Variants in TLN1 observed in about 807,000 individuals in gnomAD.
TLN1 encodes talin 1.
In TLN1, 56 loss-of-function variants were observed where a neutral mutation model predicts 292.3. The observed-to-expected ratio is 0.19, with a 90% CI of 0.15 to 0.24. The LOEUF is 0.24. Among genes scored for constraint, TLN1 ranks in the 10% least tolerant of loss-of-function variants. TLN1 has a pLI of 1.00. For missense variants in TLN1, 2,433 were observed against 3,248.2 expected, an observed-to-expected ratio of 0.75 and a Z score of 6.10; for synonymous variants, 1,119 against 1,253.7, an observed-to-expected ratio of 0.89 and a Z score of 2.27.
chr9:35,722,143 G>GT lies in TLN1; in HGVS notation c.923dup (p.Tyr308Ter). Residue 308 changes from tyrosine (Y) to a stop codon, truncating the protein, a stop_gained and frameshift_variant, in exon 9 of 57, where the codon TAC becomes TAAC. Coordinates refer to ENST00000314888, the MANE Select transcript of TLN1 (RefSeq NM_006289.4). LOFTEE classifies it high-confidence loss of function. ...YVKLARSLKT[Y>*]GVSFFLVKEK... ...CCTTCACCAGGAAGAAGGAGACACCGTAAGTCTTGAGAGAACGGGCTAGCT... is the reference window on the plus strand; with the variant it reads ...CCTTCACCAGGAAGAAGGAGACACCGTTAAGTCTTGAGAGAACGGGCTAGCT... The GT allele has an allele frequency of 1.9e-6, 3 of 1,614,164 alleles. No homozygotes were observed. Among genetic ancestry groups the GT allele is most frequent in the Non-Finnish European group, 2.5e-6 (3 of 1,179,990 alleles).
chr9:35,720,756 G>A (rs1825867059), intron 11 of TLN1, 56 bp downstream of exon 11: 9 of 1,529,366 alleles, frequency 5.9e-6, no homozygotes, highest in Non-Finnish European at 8.1e-6. Flanking sequence ...CTAAAGGACT[G>A]GCTTGTGGAG....
Position 35,722,829 on chromosome 9 carries a change from C to A in TLN1, c.843+32G>T, listed in dbSNP as rs1460489894. ...AGATTAAGCAGCAAAGCTCCGCGGT[C>A]ATCCCAAATACTTTCCCCTACCCAC... is the stretch of plus-strand genomic sequence containing the variant. On this transcript the variant is annotated intron_variant, in intron 8 of 56. Coordinates refer to ENST00000314888, the MANE Select transcript of TLN1 (RefSeq NM_006289.4). The A allele has an allele frequency of 1.9e-6, 3 of 1,609,286 alleles. No homozygotes were observed. The South Asian group carries it at 3.3e-5, about 18-fold the overall frequency.
Position 35,711,309 on chromosome 9 carries a change from A to C in TLN1, c.3965T>G (p.Leu1322Arg), listed in dbSNP as rs761462874. 1 of 1,614,198 alleles carries C rather than the reference A, an allele frequency of 6.2e-7. No homozygotes were observed. Among genetic ancestry groups the C allele is most frequent in the Non-Finnish European group, 8.5e-7 (1 of 1,180,028 alleles). Reference protein sequence around the residue: ...SSKLLLAAKALSTDPAAPNLK... With the variant: ...SSKLLLAAKARSTDPAAPNLK... The stretch of plus-strand genomic sequence containing the variant: ...GTTAGGGGCAGCAGGGTCCGTGGAC[A>C]GGGCCTTGGCAGCCAGAAGAAGTTT... The change falls in exon 30 of 57, where the codon CTG (leucine) becomes CGG (arginine). Residue 1322 changes from leucine to arginine, a missense_variant. Leu to Arg is a moderately radical substitution (Grantham distance 102). Coordinates refer to ENST00000314888, the MANE Select transcript of TLN1 (RefSeq NM_006289.4).
chr9:35,700,454 TTTG>T (rs1825446117), intron 48 of TLN1, 78 bp from the exon 49 acceptor site: 1 of 1,443,736 alleles, frequency 6.9e-7, no homozygotes, highest in African/African-American at 1.4e-5. Flanking sequence ...GTGCATGTGA[TTTG>T]GTGCAGACAT....
Position 35,717,072 on chromosome 9 carries a change from G to C in TLN1, c.2458+74C>G. The C allele has an allele frequency of 6.6e-7, 1 of 1,511,806 alleles. No homozygotes were observed. The highest frequency in any genetic ancestry group is 8.9e-7 in the Non-Finnish European group (1 of 1,122,826). 93.6% of individuals were successfully genotyped at this position (1,511,806 alleles called of 1,614,324 possible). A position where few individuals can be genotyped will look rare whatever the true frequency, so the allele number is the denominator to read the frequency against. The stretch of plus-strand genomic sequence containing the variant: ...TCCTTGGGGTGAAGTGGTTAGGTCC[G>C]CAAGGGGATGATGTCCAGTGGGCTT... On this transcript the variant is annotated intron_variant, in intron 19 of 56. Coordinates refer to ENST00000314888, the MANE Select transcript of TLN1 (RefSeq NM_006289.4). This position sits in a 1 kb window ranked among gnomAD's most constrained non-coding sequence, Gnocchi z 4.7.
chr9:35,710,789 G>A lies in TLN1; in HGVS notation c.4203+8C>T, dbSNP rs896321213. On this transcript the variant is annotated splice_region_variant and intron_variant, in intron 32 of 56. Coordinates refer to ENST00000314888, the MANE Select transcript of TLN1 (RefSeq NM_006289.4). ...CCCTCTCTCCTCCGAGTTCCTGGCT[G>A]TGCTGACCTTTGAGTTCTCCATTAC... 6.2e-7 allele frequency: 1 copy of A among 1,614,194 alleles called. No homozygotes were observed. Among genetic ancestry groups the A allele is most frequent in the Non-Finnish European group, 8.5e-7 (1 of 1,180,014 alleles).
Position 35,697,615 on chromosome 9 carries a change from G to T in TLN1, c.*176C>A. On this transcript the variant is annotated 3_prime_UTR_variant, in exon 57 of 57. Coordinates refer to ENST00000314888, the MANE Select transcript of TLN1 (RefSeq NM_006289.4). ...GGCCCTAGGGCATGAAGGCACTTGG[G>T]GTTGGGGAGGGGACAGGGGATGTAC... 1 of 884,678 alleles carries T rather than the reference G, an allele frequency of 1.1e-6. No homozygotes were observed. The highest frequency in any genetic ancestry group is 2.6e-5 in the East Asian group (1 of 39,130). 54.8% of individuals were successfully genotyped at this position (884,678 alleles called of 1,614,324 possible). A position where few individuals can be genotyped will look rare whatever the true frequency, so the allele number is the denominator to read the frequency against.
chr9:35,698,944 C>T lies in TLN1; in HGVS notation c.7000-11G>A, dbSNP rs1014192155. ...GGACTCATCTGCCTCCTGCAATAAG[C>T]GAAGGTTGCAGAAAGAGATGTAAAG... On this transcript the variant is annotated splice_polypyrimidine_tract_variant and intron_variant, in intron 52 of 56. Coordinates refer to ENST00000314888, the MANE Select transcript of TLN1 (RefSeq NM_006289.4). This position sits in a 1 kb window ranked among gnomAD's most constrained non-coding sequence, Gnocchi z 5.3. 3.7e-6 allele frequency: 6 copies of T among 1,612,980 alleles called. No individual in the cohort carries two copies. Among genetic ancestry groups the T allele is most frequent in the African/African-American group, 2.7e-5 (2 of 75,016 alleles).
rs1360617250 is a variant in TLN1, at chr9:35,717,295, G to A, written c.2309C>T (p.Ala770Val). 5.0e-6 allele frequency: 8 copies of A among 1,614,142 alleles called. No individual in the cohort carries two copies. In the Admixed American group the frequency reaches 8.3e-5, roughly 17 times the overall value. ...DGQLLRGVGA[A>V]ATAVTQALNE... ...TAGGGCCTGGGTGACAGCTGTGGCTGCTGCTCCTACCCCTCGCAACAGTTG... is the reference window on the plus strand; with the variant it reads ...TAGGGCCTGGGTGACAGCTGTGGCTACTGCTCCTACCCCTCGCAACAGTTG... The change falls in exon 19 of 57, where the codon GCA (alanine) becomes GTA (valine). Residue 770 changes from alanine (A) to valine (V), a missense_variant. Coordinates refer to ENST00000314888, the MANE Select transcript of TLN1 (RefSeq NM_006289.4). This position sits in a 1 kb window ranked among gnomAD's most constrained non-coding sequence, Gnocchi z 4.7.
chr9:35,699,682 G>A lies in TLN1; in HGVS notation c.6769-221C>T. On this transcript the variant is annotated intron_variant, in intron 50 of 56. Coordinates refer to ENST00000314888, the MANE Select transcript of TLN1 (RefSeq NM_006289.4). This position sits in a 1 kb window ranked among gnomAD's most constrained non-coding sequence, Gnocchi z 4.0. ...CACTCACCGGCTGACAAGGAGCAAG[G>A]AGAATGATGAGATGAAAGAGGAGAC... 1 of 985,418 alleles carries A rather than the reference G, an allele frequency of 1.0e-6. No individual in the cohort carries two copies. The highest frequency in any genetic ancestry group is 1.2e-6 in the Non-Finnish European group (1 of 829,926). 61.0% of individuals were successfully genotyped at this position (985,418 alleles called of 1,614,324 possible).
rs2131909654 is a variant in TLN1, at chr9:35,725,618, T to C, written c.77A>G (p.Tyr26Cys). 6.2e-7 allele frequency: 1 copy of C among 1,613,916 alleles called. No individual in the cohort carries two copies. The highest frequency in any genetic ancestry group is 8.5e-7 in the Non-Finnish European group (1 of 1,179,974). Residue 26 changes from tyrosine to cysteine, a missense_variant, in exon 2 of 57, where the codon TAC (tyrosine) becomes TGC (cysteine). Tyr to Cys is a radical substitution (Grantham distance 194). Transcript: ENST00000314888. ...TMQFEPSTMV[Y>C]DACRIIRERI... Reference sequence around the variant, plus strand: ...CTCACGAATGATGCGGCAGGCGTCGTACACCATGGTAGACGGCTCAAACTG... The same window carrying C: ...CTCACGAATGATGCGGCAGGCGTCGCACACCATGGTAGACGGCTCAAACTG...
At position 35,707,426 on chromosome 9, in the gene TLN1, C is replaced by T. The variant is rs779658268; in HGVS notation, c.4695G>A (p.Leu1565=). The change falls in exon 36 of 57, where the codon CTG becomes CTA. Residue 1565 remains leucine (L), a synonymous_variant. Coordinates refer to ENST00000314888, the MANE Select transcript of TLN1 (RefSeq NM_006289.4). The surrounding 1 kb of genome is among the most constrained non-coding windows in gnomAD (Gnocchi z 5.6). ...RAQCRAATAP[L]LEAVDNLSAF... is the part of the protein sequence containing the mutation. ...CACTCAGATTGTCCACAGCCTCCAG[C>T]AGAGGGGCTGTTGCTGCTCGGCACT... 1.2e-6 allele frequency: 2 copies of T among 1,614,174 alleles called. No individual in the cohort carries two copies. The highest frequency in any genetic ancestry group is 2.2e-5 in the East Asian group (1 of 44,886).
In TLN1 at chr9:35,719,934, A is replaced by T; in HGVS notation, c.1465-81T>A. On this transcript the variant is annotated intron_variant, in intron 13 of 56. Coordinates refer to ENST00000314888, the MANE Select transcript of TLN1 (RefSeq NM_006289.4). The surrounding 1 kb of genome is among the most constrained non-coding windows in gnomAD (Gnocchi z 4.6). Reference sequence around the variant, plus strand: ...GGTAAAAGAGAACCAGGGTCTAGGGAGAGAATACAAATAGGGACCTGGGAA... The same window carrying T: ...GGTAAAAGAGAACCAGGGTCTAGGGTGAGAATACAAATAGGGACCTGGGAA... 6.3e-7 allele frequency: 1 copy of T among 1,582,082 alleles called. No individual in the cohort carries two copies. The highest frequency in any genetic ancestry group is 8.6e-7 in the Non-Finnish European group (1 of 1,159,450).
Position 35,707,265 on chromosome 9 carries a change from G to A in TLN1, c.4774-12C>T. 6.2e-7 allele frequency: 1 copy of A among 1,603,508 alleles called. No homozygotes were observed. Among genetic ancestry groups the A allele is most frequent in the Non-Finnish European group, 8.5e-7 (1 of 1,172,504 alleles). Reference sequence around the variant, plus strand: ...ATGGCAGCCCGACCCTGGGGAGAGGGGAGGCAGGAAGGTAAGTCTCAGGAG... The same window carrying A: ...ATGGCAGCCCGACCCTGGGGAGAGGAGAGGCAGGAAGGTAAGTCTCAGGAG... On this transcript the variant is annotated splice_polypyrimidine_tract_variant and intron_variant, in intron 36 of 56. Transcript: ENST00000314888. The surrounding 1 kb of genome is among the most constrained non-coding windows in gnomAD (Gnocchi z 5.6).
chr9:35,721,524 T>G (rs1825878904), intron 10 of TLN1, 124 bp downstream of exon 10: 1 of 1,084,838 alleles, frequency 9.2e-7, no homozygotes, highest in Non-Finnish European at 1.3e-6. Context: ...CTCCATCTAC[T>G]CTAACCTCCT....
In TLN1 at chr9:35,699,663, C is replaced by T. The variant is rs1486504728; in HGVS notation, c.6769-202G>A. On this transcript the variant is annotated intron_variant, in intron 50 of 56. Coordinates refer to ENST00000314888, the MANE Select transcript of TLN1 (RefSeq NM_006289.4). This position sits in a 1 kb window ranked among gnomAD's most constrained non-coding sequence, Gnocchi z 4.0. ...AGAGACAGTGGGGCTGTGTCACTCACCGGCTGACAAGGAGCAAGGAGAATG... is the reference window on the plus strand; with the variant it reads ...AGAGACAGTGGGGCTGTGTCACTCATCGGCTGACAAGGAGCAAGGAGAATG... 3 of 985,184 alleles carry T rather than the reference C, an allele frequency of 3.0e-6. No homozygotes were observed. In the African/African-American group the frequency reaches 5.2e-5, roughly 17 times the overall value. 61.0% of individuals were successfully genotyped at this position (985,184 alleles called of 1,614,324 possible). A position where few individuals can be genotyped will look rare whatever the true frequency, so the allele number is the denominator to read the frequency against.
Position 35,714,134 on chromosome 9 carries a change from T to A in TLN1, c.3121-53A>T, listed in dbSNP as rs1825733924. ...AGAAGGTCCTGCTGTGTCTCACCAA[T>A]GCCTCTGATTACACAATTATCTGCG... On this transcript the variant is annotated intron_variant, in intron 24 of 56. Transcript: ENST00000314888. The surrounding 1 kb of genome is among the most constrained non-coding windows in gnomAD (Gnocchi z 4.6). 11 of 1,607,074 alleles carry A rather than the reference T, an allele frequency of 6.8e-6. No homozygotes were observed. In the South Asian group the frequency reaches 1.1e-4, roughly 16 times the overall value.
At chr9:35,718,689 G>C in intron 17 of TLN1, 123 bp downstream of exon 17, 1 of 752,192 alleles carries the variant, frequency 1.3e-6, no homozygotes, top group Non-Finnish European at 2.3e-6. Flanking sequence ...TCATCCCCTG[G>C]AAATAGAGGT....
In TLN1 at chr9:35,724,111, G is replaced by T. The variant is rs1412136391; in HGVS notation, c.655-32C>A. On this transcript the variant is annotated intron_variant, in intron 6 of 56. Coordinates refer to ENST00000314888, the MANE Select transcript of TLN1 (RefSeq NM_006289.4). The surrounding 1 kb of genome is among the most constrained non-coding windows in gnomAD (Gnocchi z 4.7). ...AGCACAGGGCAAGGAGGCGAATGTT[G>T]TGTGTGGGTGCAAGGACACGCACAC... 1.2e-6 allele frequency: 2 copies of T among 1,612,632 alleles called. No individual in the cohort carries two copies. Among genetic ancestry groups the T allele is most frequent in the Non-Finnish European group, 1.7e-6 (2 of 1,178,752 alleles).
Sources: allele counts gnomAD v4.1 joint callset, GRCh38; gene constraint gnomAD v4.1.1; non-coding constraint Gnocchi (gnomAD v3.1); transcripts MANE v1.5; gene names NCBI Gene and HGNC (gene_info 2026-07-23, HGNC 2026-07-21).